KCNH1: variants seen among roughly 807,000 people sequenced by gnomAD.
The protein encoded by KCNH1 is voltage-gated delayed rectifier potassium channel KCNH1.
A neutral mutation model predicts 69.2 loss-of-function variants in KCNH1; 27 were observed. The observed-to-expected ratio is 0.39, with a 90% confidence interval of 0.29 to 0.54. KCNH1 has a LOEUF of 0.54. Ranked by LOEUF, KCNH1 falls within the 20% of genes least tolerant of loss-of-function variation. The pLI is 0.68. For synonymous variants in KCNH1, 456 were observed against 487.7 expected (o/e 0.93, Z 0.86); for missense variants, 798 against 1,261.6 (o/e 0.63, Z 5.57).
At chr1:210,872,010 A>C (rs1028811642) in intron 7 of KCNH1, among the ~76,000 whole-genome samples, 7 of 151,842 alleles carry the variant, frequency 4.6e-5, no homozygotes, top group Non-Finnish European at 7.4e-5. Context: ...TATGTAACTA[A>C]CCTGCACATT....
intron 7 of KCNH1, among the ~76,000 whole-genome samples, chr1:210,823,062 C>T (rs1684961668): frequency 6.6e-6 from 1 of 152,094 alleles, no homozygotes; most frequent in African/African-American, 2.4e-5. Context: ...TTCTTGGCCA[C>T]CAGTGATTCC....
intron 5 of KCNH1, among the ~76,000 whole-genome samples, chr1:211,076,050 G>A (rs1690726803): frequency 6.6e-6 from 1 of 152,226 alleles, no homozygotes; most frequent in Non-Finnish European, 1.5e-5. Flanking sequence ...CCATTACTGA[G>A]GCTTGAGTAG....
chr1:210,860,510 C>T, intron 7 of KCNH1: 1 of 844,730 alleles, frequency 1.2e-6, no homozygotes, highest in East Asian at 2.4e-5. Context: ...GTCTGGATTA[C>T]TTGGCTAAAT....
At chr1:211,022,863 G>GTGTGT (rs1200936513) in intron 5 of KCNH1, among the ~76,000 whole-genome samples, 14 of 152,186 alleles carry the variant, frequency 9.2e-5, no homozygotes, top group African/African-American at 3.1e-4. Flanking sequence ...TGTAATACCA[G>GTGTGT]TACTTTGGGA....
chr1:211,098,843 T>A (rs1344088406), intron 3 of KCNH1, among the ~76,000 whole-genome samples: 1 of 152,208 alleles, frequency 6.6e-6, no homozygotes, highest in Non-Finnish European at 1.5e-5. Context: ...TTAAAAGTTA[T>A]ACTATTCAAT....
intron 5 of KCNH1, among the ~76,000 whole-genome samples, chr1:211,057,304 A>T (rs555564726): frequency 6.6e-6 from 1 of 152,310 alleles, no homozygotes; most frequent in South Asian, 2.1e-4. Flanking sequence ...GAGCTTGAAG[A>T]CAGGCTATTT....
chr1:210,708,907 G>C (rs961587174), intron 10 of KCNH1, among the ~76,000 whole-genome samples: 1 of 152,170 alleles, frequency 6.6e-6, no homozygotes, highest in South Asian at 2.1e-4. Context: ...GAGGCATTTG[G>C]ATTTGAGGCT....
At position 210,678,757 on chromosome 1, in the gene KCNH1, G is replaced by A. The variant is rs1055008947; in HGVS notation, c.*4524C>T. The A allele has an allele frequency of 1.3e-5, 2 of 152,210 alleles. No individual in the cohort carries two copies. Among genetic ancestry groups the A allele is most frequent in the African/African-American group, 2.4e-5 (1 of 41,454 alleles). The allele number at this position is 152,210 out of a possible 1,614,324, so 9.4% of individuals were successfully genotyped here. A position where few individuals can be genotyped will look rare whatever the true frequency, so the allele number is the denominator to read the frequency against. On this transcript the variant is annotated 3_prime_UTR_variant, in exon 11 of 11. Coordinates refer to ENST00000271751, the MANE Select transcript of KCNH1 (RefSeq NM_172362.3). ...TATTAAGAGAATACATTCATTAGGG[G>A]AGGGTGCATCCTTCAACATAAGATC...
chr1:210,970,625 T>C (rs1015438454), intron 6 of KCNH1, among the ~76,000 whole-genome samples: 3 of 152,176 alleles, frequency 2.0e-5, no homozygotes, highest in African/African-American at 2.4e-5. Flanking sequence ...TCACACCTTA[T>C]ACAAAAATTA....
At chr1:210,865,498 C>A (rs984624158) in intron 7 of KCNH1, among the ~76,000 whole-genome samples, 4 of 151,416 alleles carry the variant, frequency 2.6e-5, no homozygotes, top group South Asian at 2.1e-4. Flanking sequence ...GGTTCTAGGG[C>A]AGTAGGAATA....
intron 7 of KCNH1, among the ~76,000 whole-genome samples, chr1:210,845,805 G>T (rs982193204): frequency 6.6e-6 from 1 of 152,178 alleles, no homozygotes; most frequent in African/African-American, 2.4e-5. Flanking sequence ...GTTTGCAGAT[G>T]ACATGATTGT....
chr1:211,011,373 A>G (rs551046961), intron 6 of KCNH1, among the ~76,000 whole-genome samples: 2 of 152,244 alleles, frequency 1.3e-5, no homozygotes, highest in Admixed American at 6.5e-5. Flanking sequence ...TATCCAGTCT[A>G]TCATTGATGG....
At chr1:210,967,869 C>CT (rs71773981) in intron 6 of KCNH1, among the ~76,000 whole-genome samples, 89 of 146,928 alleles carry the variant, frequency 6.1e-4, no homozygotes, top group South Asian at 1.9e-3. Context: ...ATTTTTTTTT[C>CT]TTTTTTTTTT....
chr1:211,089,910 C>A (rs1039288193), intron 4 of KCNH1, among the ~76,000 whole-genome samples: 3 of 152,194 alleles, frequency 2.0e-5, no homozygotes, highest in African/African-American at 7.2e-5. Flanking sequence ...TTCAGGGGTA[C>A]GGTTGTTCCA....
intron 7 of KCNH1, among the ~76,000 whole-genome samples, chr1:210,811,333 A>ACC (rs763754516): frequency 6.6e-6 from 1 of 152,166 alleles, no homozygotes; most frequent in Non-Finnish European, 1.5e-5. Flanking sequence ...CTCCACTTGT[A>ACC]GAGGTACTTA....
At chr1:210,778,584 T>C (rs1028142588) in intron 9 of KCNH1, among the ~76,000 whole-genome samples, 2 of 149,898 alleles carry the variant, frequency 1.3e-5, no homozygotes, top group African/African-American at 4.9e-5. Flanking sequence ...CAGCAGAACA[T>C]CACAAATCAT....
intron 7 of KCNH1, among the ~76,000 whole-genome samples, chr1:210,849,230 T>G (rs537824881): frequency 1.5e-3 from 227 of 152,264 alleles, no homozygotes; most frequent in African/African-American, 5.2e-3. Flanking sequence ...ACAACAGAAT[T>G]CCCTCTAAGA....
At chr1:210,971,068 A>G (rs1442483854) in intron 6 of KCNH1, among the ~76,000 whole-genome samples, 1 of 152,164 alleles carries the variant, frequency 6.6e-6, no homozygotes, top group Non-Finnish European at 1.5e-5. Context: ...TCATTAGAGA[A>G]ATGCAAATCA....
intron 6 of KCNH1, among the ~76,000 whole-genome samples, chr1:210,943,822 T>C (rs1024660474): frequency 6.6e-6 from 1 of 152,226 alleles, no homozygotes; most frequent in African/African-American, 2.4e-5. Flanking sequence ...CTGAGGACTC[T>C]GGGCTCTTAC....
Sources: allele counts gnomAD v4.1 joint callset (sites outside exome capture counted in the v4.1 genomes callset), GRCh38; gene constraint gnomAD v4.1.1; transcripts MANE v1.5; gene names NCBI Gene and HGNC (gene_info 2026-07-23, HGNC 2026-07-21).